Variants in STPG2 observed in about 807,000 individuals in gnomAD.
STPG2 encodes sperm tail PG-rich repeat containing 2, also known as sperm-tail PG-rich repeat-containing protein 2.
In STPG2, 56 loss-of-function variants were observed where a neutral mutation model predicts 54.2. The observed-to-expected ratio is 1.03, with a 90% CI of 0.83 to 1.29. The LOEUF is 1.29. Ranked by LOEUF, STPG2 falls within the 50% of genes most tolerant of loss-of-function variation. The pLI is 0.00. For synonymous variants in STPG2, 200 were observed against 181.8 expected, an observed-to-expected ratio of 1.10 and a Z score of -0.81; for missense variants, 596 against 544.9, an observed-to-expected ratio of 1.09 and a Z score of -0.93.
At chr4:97,594,276 AAC>A (rs1733223871) in intron 10 of STPG2, among the ~76,000 whole-genome samples, 1 of 152,316 alleles carries the variant, frequency 6.6e-6, no homozygotes, top group Non-Finnish European at 1.5e-5. Context: ...CAGGAGATGA[AAC>A]ACAAAATAAC....
At chr4:97,904,978 G>C (rs998169844) in intron 8 of STPG2, among the ~76,000 whole-genome samples, 25 of 152,088 alleles carry the variant, frequency 1.6e-4, no homozygotes, top group South Asian at 8.3e-4. Flanking sequence ...ATCTACGTCT[G>C]ATTGGTGTAC....
At chr4:97,480,488 A>C (rs567370022) in intron 4 of STPG2, among the ~76,000 whole-genome samples, 1 of 151,694 alleles carries the variant, frequency 6.6e-6, no homozygotes, top group Non-Finnish European at 1.5e-5. Flanking sequence ...CAATACAAAA[A>C]CCAGATAAAA....
chr4:98,084,539 T>C (rs1448540760), intron 5 of STPG2, among the ~76,000 whole-genome samples: 1 of 152,220 alleles, frequency 6.6e-6, no homozygotes, highest in Non-Finnish European at 1.5e-5. Flanking sequence ...TGTCCAAATT[T>C]TTCCAGAGTG....
intron 9 of STPG2, among the ~76,000 whole-genome samples, chr4:97,768,844 G>A (rs1726135368): frequency 6.6e-6 from 1 of 152,004 alleles, no homozygotes; most frequent in Non-Finnish European, 1.5e-5. Flanking sequence ...TAGGACTACA[G>A]GCATGTGCCA....
At chr4:97,847,388 T>G (rs188258795) in intron 8 of STPG2, among the ~76,000 whole-genome samples, 26 of 152,236 alleles carry the variant, frequency 1.7e-4, no homozygotes, top group African/African-American at 5.3e-4. Context: ...AGTATTTTAA[T>G]ATAGATATAA....
At chr4:97,735,415 G>A (rs993460686) in intron 9 of STPG2, among the ~76,000 whole-genome samples, 9 of 151,368 alleles carry the variant, frequency 5.9e-5, no homozygotes, top group Non-Finnish European at 1.3e-4. Context: ...GAGGTTGGGA[G>A]GGAAATAGGA....
intron 4 of STPG2, among the ~76,000 whole-genome samples, chr4:97,533,342 TATC>T (rs1196030088): frequency 6.6e-6 from 1 of 152,156 alleles, no homozygotes; most frequent in Admixed American, 6.5e-5. Flanking sequence ...TATCCTGAAA[TATC>T]AAACTCCTTA....
chr4:97,882,571 T>C (rs1335226111), intron 8 of STPG2, among the ~76,000 whole-genome samples: 1 of 152,128 alleles, frequency 6.6e-6, no homozygotes, highest in Non-Finnish European at 1.5e-5. Flanking sequence ...TAGGACAATG[T>C]AGACTACCTA....
At chr4:97,652,756 T>C (rs555293391) in intron 10 of STPG2, among the ~76,000 whole-genome samples, 1 of 152,088 alleles carries the variant, frequency 6.6e-6, no homozygotes, top group Non-Finnish European at 1.5e-5. Flanking sequence ...AAGTGAAGTT[T>C]CATAAGAACA....
chr4:97,638,130 T>C lies in STPG2; in HGVS notation c.1320+74569A>G, dbSNP rs564693836. 2.8e-4 allele frequency among the ~76,000 whole-genome samples: 43 copies of C among 152,272 alleles called. No homozygotes were observed. In the East Asian group the frequency reaches 8.3e-3, roughly 29 times the overall value. ...TACAGTAACCAAAACAGCATGGTACTGGTACCAAAACAGAGATATAGATCA... is the reference window on the plus strand; with the variant it reads ...TACAGTAACCAAAACAGCATGGTACCGGTACCAAAACAGAGATATAGATCA... On this transcript the variant is annotated intron_variant, in intron 10 of 10. Transcript: ENST00000295268.
chr4:97,786,111 G>A (rs1323938983), intron 9 of STPG2, among the ~76,000 whole-genome samples: 1 of 151,450 alleles, frequency 6.6e-6, no homozygotes, highest in Non-Finnish European at 1.5e-5. Context: ...TCAAGATATA[G>A]AATATTTCTA....
intron 10 of STPG2, among the ~76,000 whole-genome samples, chr4:97,598,293 T>G (rs990165571): frequency 6.6e-6 from 1 of 152,112 alleles, no homozygotes; most frequent in South Asian, 2.1e-4. Context: ...ATCAATATTG[T>G]TAAAACGACA....
At chr4:97,870,744 G>T (rs1468100834) in intron 8 of STPG2, among the ~76,000 whole-genome samples, 2 of 151,202 alleles carry the variant, frequency 1.3e-5, no homozygotes, top group Non-Finnish European at 3.0e-5. Context: ...CAAATATTCA[G>T]TTCAAGACAG....
intron 8 of STPG2, among the ~76,000 whole-genome samples, chr4:97,907,120 A>G (rs1433800596): frequency 6.6e-6 from 1 of 152,122 alleles, no homozygotes; most frequent in Admixed American, 6.5e-5. Context: ...AGGGAACCCC[A>G]TTATCTCAGC....
At chr4:97,959,343 C>T (rs1733800784) in intron 7 of STPG2, among the ~76,000 whole-genome samples, 1 of 151,330 alleles carries the variant, frequency 6.6e-6, no homozygotes, top group African/African-American at 2.4e-5. Flanking sequence ...AAACTTAACC[C>T]CAGTAAAAGA....
chr4:98,002,960 T>G (rs1228902121), intron 5 of STPG2, among the ~76,000 whole-genome samples: 1 of 152,064 alleles, frequency 6.6e-6, no homozygotes, highest in Non-Finnish European at 1.5e-5. Context: ...GATAATATTG[T>G]TTGCAGTCTT....
At chr4:97,628,480 G>A (rs1004955794) in intron 10 of STPG2, among the ~76,000 whole-genome samples, 5 of 152,004 alleles carry the variant, frequency 3.3e-5, no homozygotes, top group Non-Finnish European at 1.5e-5. Context: ...TGAAGAAATG[G>A]AAACTAAATA....
chr4:97,905,648 G>C (rs990853138), intron 8 of STPG2, among the ~76,000 whole-genome samples: 10 of 152,090 alleles, frequency 6.6e-5, no homozygotes, highest in Admixed American at 2.0e-4. Context: ...TCCATTAAAA[G>C]ACACAGACTG....
chr4:98,097,820 C>A (rs1738906035), intron 5 of STPG2, among the ~76,000 whole-genome samples: 1 of 151,986 alleles, frequency 6.6e-6, no homozygotes, highest in African/African-American at 2.4e-5. Context: ...TTTCTATATG[C>A]CAACAGTGAA....
Sources: gnomAD v4.1 joint callset for allele counts (sites outside exome capture counted in the v4.1 genomes callset) on GRCh38, gnomAD v4.1.1 for gene constraint, MANE v1.5 for transcripts, NCBI Gene and HGNC (gene_info 2026-07-23, HGNC 2026-07-21) for gene names.